Variants in AOAH observed in about 807,000 individuals in gnomAD.
The protein encoded by AOAH is acyloxyacyl hydrolase (neutrophil).
A neutral mutation model predicts 92.2 loss-of-function variants in AOAH; 64 were observed. The ratio of observed to expected loss-of-function variants is 0.69; its 90% CI spans 0.57 to 0.86. The LOEUF (loss-of-function observed/expected upper bound fraction) is 0.86, where lower values mean the gene tolerates loss of function less well. Among genes scored for constraint, AOAH ranks in the 40% least tolerant of loss-of-function variants. The pLI is 0.00. For missense variants in AOAH, 656 were observed against 694.6 expected, an observed-to-expected ratio of 0.94 and a Z score of 0.62; for synonymous variants, 263 against 254.5, an observed-to-expected ratio of 1.03 and a Z score of -0.32.
intron 1 of AOAH, among the ~76,000 whole-genome samples, chr7:36,695,611 T>G (rs1262068141): frequency 1.3e-5 from 2 of 152,304 alleles, no homozygotes; most frequent in African/African-American, 4.8e-5. Flanking sequence ...CTATTTTACT[T>G]TAAAATTTAT....
At chr7:36,575,394 G>A (rs2727829) in intron 13 of AOAH, among the ~76,000 whole-genome samples, 10 of 152,106 alleles carry the variant, frequency 6.6e-5, no homozygotes, top group African/African-American at 2.4e-4. Context: ...CAGCTGCTAC[G>A]GTGTGAATAT....
intron 13 of AOAH, among the ~76,000 whole-genome samples, chr7:36,563,237 G>A (rs1168458236): frequency 1.3e-5 from 2 of 149,434 alleles, no homozygotes; most frequent in Non-Finnish European, 2.9e-5. Flanking sequence ...CCAGTGAAGA[G>A]GCAGTCTCCC....
chr7:36,514,855 C>T (rs543913802), intron 20 of AOAH, among the ~76,000 whole-genome samples: 54 of 152,090 alleles, frequency 3.6e-4, no homozygotes, highest in East Asian at 2.9e-3. Flanking sequence ...ATTGAGTGGG[C>T]GACAGAAAGT....
rs553352483 is a variant in AOAH at position 36,568,402 on chromosome 7, C to T, written c.1021+8172G>A. On this transcript the variant is annotated intron_variant, in intron 13 of 20. Transcript: ENST00000617537. ...CCTTATGCCAAAAAGGCACATTTTG[C>T]AGGGAAATATTTTGGTGCCTCTCAA... is the stretch of plus-strand genomic sequence containing the variant. Among the ~76,000 whole-genome samples the T allele has an allele frequency of 1.6e-4, 24 of 152,294 alleles. No homozygotes were observed. In the South Asian group the frequency reaches 5.0e-3, roughly 32 times the overall value.
chr7:36,634,111 A>T (rs532123314), intron 5 of AOAH, among the ~76,000 whole-genome samples: 2 of 152,318 alleles, frequency 1.3e-5, no homozygotes, highest in East Asian at 3.9e-4. Flanking sequence ...CCAGAGACTT[A>T]GTAGCTGACT....
At chr7:36,533,726 T>C (rs1784839501) in intron 16 of AOAH, among the ~76,000 whole-genome samples, 1 of 152,024 alleles carries the variant, frequency 6.6e-6, no homozygotes, top group Non-Finnish European at 1.5e-5. Context: ...TTTTGTCATT[T>C]GCTCCCTTTC....
intron 1 of AOAH, among the ~76,000 whole-genome samples, chr7:36,701,278 G>A (rs535774471): frequency 3.9e-5 from 6 of 151,978 alleles, no homozygotes; most frequent in East Asian, 1.9e-4. Flanking sequence ...GGAGTGTTCT[G>A]TAGATGTTAG....
chr7:36,591,911 A>C (rs1789772963), intron 12 of AOAH, among the ~76,000 whole-genome samples: 1 of 152,234 alleles, frequency 6.6e-6, no homozygotes, highest in Non-Finnish European at 1.5e-5. Context: ...TTTGCTGGGC[A>C]TGGTGAATGG....
intron 13 of AOAH, among the ~76,000 whole-genome samples, chr7:36,569,881 G>A (rs1788011885): frequency 6.6e-6 from 1 of 152,000 alleles, no homozygotes; most frequent in Non-Finnish European, 1.5e-5. Context: ...CCAAAGTGCT[G>A]GGATTATAGG....
At chr7:36,687,792 T>C (rs28671641) in intron 1 of AOAH, among the ~76,000 whole-genome samples, 2,783 of 152,238 alleles carry the variant, frequency 0.018, 99 homozygotes, top group African/African-American at 0.064. Flanking sequence ...TTTACATACG[T>C]GGTGTCATTT....
At chr7:36,671,649 TTGTGTGTG>T (rs34363257) in intron 3 of AOAH, among the ~76,000 whole-genome samples, 2 of 149,288 alleles carry the variant, frequency 1.3e-5, no homozygotes, top group South Asian at 2.1e-4. Flanking sequence ...GTGCACGTGT[TTGTGTGTG>T]TGTGTGTGTG....
intron 3 of AOAH, among the ~76,000 whole-genome samples, chr7:36,666,648 G>A (rs868468735): frequency 2.0e-5 from 3 of 151,764 alleles, no homozygotes; most frequent in African/African-American, 7.3e-5. Context: ...GTTTCTTAAG[G>A]TAGAAGCTTA....
At chr7:36,515,212 C>A (rs1412293727) in intron 20 of AOAH, among the ~76,000 whole-genome samples, 2 of 138,746 alleles carry the variant, frequency 1.4e-5, no homozygotes, top group African/African-American at 5.4e-5. Context: ...ACAAACACCA[C>A]ACACACACCA....
At chr7:36,552,851 C>A (rs996492883) in intron 13 of AOAH, among the ~76,000 whole-genome samples, 1 of 152,060 alleles carries the variant, frequency 6.6e-6, no homozygotes, top group Non-Finnish European at 1.5e-5. Context: ...TACATTAATT[C>A]GCTTAGGATA....
intron 15 of AOAH, among the ~76,000 whole-genome samples, chr7:36,542,237 G>A (rs1785471816): frequency 6.6e-6 from 1 of 152,198 alleles, no homozygotes; most frequent in Admixed American, 6.5e-5. Flanking sequence ...AGGATCGCTG[G>A]AAGCCACCAG....
intron 12 of AOAH, among the ~76,000 whole-genome samples, chr7:36,580,373 T>C (rs1307192922): frequency 6.6e-6 from 1 of 152,186 alleles, no homozygotes; most frequent in Non-Finnish European, 1.5e-5. Flanking sequence ...CCAAATGACC[T>C]TATTGGTTCT....
In AOAH at chr7:36,618,312, TCTC is replaced by T. The variant is rs764237877; in HGVS notation, c.733_735del (p.Glu245del). The T allele has an allele frequency of 1.9e-6, 3 of 1,613,908 alleles. No homozygotes were observed. The highest frequency in any genetic ancestry group is 2.5e-6 in the Non-Finnish European group (3 of 1,179,834). On this transcript the variant is annotated inframe_deletion, in exon 10 of 21. Transcript: ENST00000617537. ...CAATTCATACCTTCACAGAATTTCTTCTCATATGGAACTCCATCTTTTGGATCG... is the reference window on the plus strand; with the variant it reads ...CAATTCATACCTTCACAGAATTTCTTATATGGAACTCCATCTTTTGGATCG...
intron 1 of AOAH, among the ~76,000 whole-genome samples, chr7:36,696,570 T>TA (rs1222981919): frequency 6.6e-6 from 1 of 152,074 alleles, no homozygotes; most frequent in Non-Finnish European, 1.5e-5. Context: ...CTAATATAAA[T>TA]AAAAAATCAA....
chr7:36,692,415 G>A (rs1246530103), intron 1 of AOAH, among the ~76,000 whole-genome samples: 2 of 151,984 alleles, frequency 1.3e-5, no homozygotes, highest in African/African-American at 2.4e-5. Flanking sequence ...CATTTGAGTA[G>A]ATTAGACTCT....
Sources: allele counts gnomAD v4.1 joint callset (sites outside exome capture counted in the v4.1 genomes callset), GRCh38; gene constraint gnomAD v4.1.1; transcripts MANE v1.5; gene names NCBI Gene and HGNC (gene_info 2026-07-23, HGNC 2026-07-21).